POU3F3: variants seen among roughly 807,000 people sequenced by gnomAD.
POU3F3 encodes POU class 3 homeobox 3, also known as POU domain, class 3, transcription factor 3.
A neutral mutation model predicts 8.6 loss-of-function variants in POU3F3; 1 was observed. That is an observed-to-expected ratio of 0.12 (90% CI 0.04 to 0.55). POU3F3 has a LOEUF of 0.55. Among genes scored for constraint, POU3F3 ranks in the 20% least tolerant of loss-of-function variants. POU3F3 has a pLI of 0.91. For synonymous variants in POU3F3, 418 were observed against 327.4 expected (o/e 1.28, Z -2.99); for missense variants, 577 against 690.7 (o/e 0.84, Z 1.84).
In POU3F3 at chr2:104,856,425, C is replaced by T; in HGVS notation, c.915C>T (p.Leu305=). 6.2e-7 allele frequency: 1 copy of T among 1,607,280 alleles called. No individual in the cohort carries two copies. The highest frequency in any genetic ancestry group is 1.1e-5 in the South Asian group (1 of 90,694). Reference sequence around the variant, plus strand: ...GCGGCGGCGGCGCGGGGCCTGGACTCAACAGCCACGACCCGCACTCGGACG... The same window carrying T: ...GCGGCGGCGGCGCGGGGCCTGGACTTAACAGCCACGACCCGCACTCGGACG... The part of the protein sequence containing the change: ...GGGGGGAGPG[L]NSHDPHSDED... Residue 305 remains leucine, a synonymous_variant, in exon 1 of 1, where the codon CTC becomes CTT. Coordinates refer to ENST00000361360, the MANE Select transcript of POU3F3 (RefSeq NM_006236.3).
chr2:104,872,428 T>C, the POU3F3 span: 1 of 431,892 alleles, frequency 2.3e-6, no homozygotes, highest in Non-Finnish European at 4.7e-6. The surrounding 1 kb of genome is among the most constrained non-coding windows in gnomAD (Gnocchi z 4.6). Context: ...GAAATCCTGC[T>C]TCCAACTGCG....
the POU3F3 span, among the ~76,000 whole-genome samples, chr2:104,879,415 G>A: frequency 6.6e-6 from 1 of 152,128 alleles, no homozygotes; most frequent in Non-Finnish European, 1.5e-5. Flanking sequence ...AGGGTACATG[G>A]AGAGGGAAGA....
chr2:104,855,726 G>T lies in POU3F3; in HGVS notation c.216G>T (p.Met72Ile). The T allele has an allele frequency of 7.8e-7, 1 of 1,279,296 alleles. No homozygotes were observed. Among genetic ancestry groups the T allele is most frequent in the Non-Finnish European group, 1.0e-6 (1 of 988,606 alleles). The allele number at this position is 1,279,296 out of a possible 1,614,324, so 79.2% of individuals were successfully genotyped here. A position where few individuals can be genotyped will look rare whatever the true frequency, so the allele number is the denominator to read the frequency against. The change falls in exon 1 of 1, where the codon ATG becomes ATT. Residue 72 changes from methionine (M) to isoleucine (I), a missense_variant. Physicochemically the swap from Met to Ile is conservative, Grantham distance 10 (BLOSUM62 1). Transcript: ENST00000361360. ...GGGGGGACCCGTCCTCTGTCAAGAT[G>T]GTCCAGAGCGACTTCATGCAGGGGG... is the stretch of plus-strand genomic sequence containing the variant. ...AYRGDPSSVK[M>I]VQSDFMQGAM...
chr2:104,856,860 G>A lies in POU3F3; in HGVS notation c.1350G>A (p.Val450=). Reference sequence around the variant, plus strand: ...GCCTGCAGCTCGAGAAGGAGGTGGTGCGGGTCTGGTTCTGCAATCGGCGCC... The same window carrying A: ...GCCTGCAGCTCGAGAAGGAGGTGGTACGGGTCTGGTTCTGCAATCGGCGCC... ...ADSLQLEKEV[V]RVWFCNRRQK... Residue 450 remains valine (V), a synonymous_variant, in exon 1 of 1, where the codon GTG becomes GTA. Coordinates refer to ENST00000361360, the MANE Select transcript of POU3F3 (RefSeq NM_006236.3). 6.2e-7 allele frequency: 1 copy of A among 1,614,106 alleles called. No homozygotes were observed. Among genetic ancestry groups the A allele is most frequent in the Non-Finnish European group, 8.5e-7 (1 of 1,180,004 alleles).
the POU3F3 span, among the ~76,000 whole-genome samples, chr2:104,904,149 T>C: frequency 6.6e-6 from 1 of 152,164 alleles, no homozygotes; most frequent in South Asian, 2.1e-4. Context: ...TTGCCAGCAA[T>C]TGGATTTGCA....
chr2:104,895,744 T>C, the POU3F3 span, among the ~76,000 whole-genome samples: 1 of 152,198 alleles, frequency 6.6e-6, no homozygotes, highest in Admixed American at 6.5e-5. Context: ...GAGGTAATCA[T>C]TGGGTCTATT....
At chr2:104,896,330 C>T in the POU3F3 span, among the ~76,000 whole-genome samples, 5 of 152,178 alleles carry the variant, frequency 3.3e-5, no homozygotes, top group South Asian at 2.1e-4. Flanking sequence ...CCCCAGGCCA[C>T]GTGGTGCAAT....
chr2:104,886,510 G>C, the POU3F3 span, among the ~76,000 whole-genome samples: 1 of 152,080 alleles, frequency 6.6e-6, no homozygotes, highest in South Asian at 2.1e-4. Context: ...TCACATAACT[G>C]TTACAGGAAA....
Position 104,855,779 on chromosome 2 carries a change from T to C in POU3F3, c.269T>C (p.Met90Thr). 1 of 1,313,612 alleles carries C rather than the reference T, an allele frequency of 7.6e-7. No homozygotes were observed. The highest frequency in any genetic ancestry group is 1.3e-5 in the South Asian group (1 of 75,224). 81.4% of individuals were successfully genotyped at this position (1,313,612 alleles called of 1,614,324 possible). The change falls in exon 1 of 1, where the codon ATG (methionine) becomes ACG (threonine). Residue 90 changes from methionine to threonine, a missense_variant. Coordinates refer to ENST00000361360, the MANE Select transcript of POU3F3 (RefSeq NM_006236.3). ...GAMAASNGGH[M>T]LSHAHQWVTA... ...ATGGCCGCCAGCAACGGCGGCCATATGCTGAGCCACGCGCACCAGTGGGTC... is the reference window on the plus strand; with the variant it reads ...ATGGCCGCCAGCAACGGCGGCCATACGCTGAGCCACGCGCACCAGTGGGTC...
the POU3F3 span, among the ~76,000 whole-genome samples, chr2:104,927,535 G>T: frequency 1.3e-5 from 2 of 152,022 alleles, no homozygotes; most frequent in African/African-American, 4.8e-5. Context: ...CATTAGAATT[G>T]CTTGAGCCAA....
At position 104,855,432 on chromosome 2, in the gene POU3F3, GGCGGCGGCGGCGGCCGCGGCTGCT is replaced by G. The variant is rs1676533246; in HGVS notation, c.-76_-53del. 1 of 724,622 alleles carries G rather than the reference GGCGGCGGCGGCGGCCGCGGCTGCT, an allele frequency of 1.4e-6. No individual in the cohort carries two copies. Among genetic ancestry groups the G allele is most frequent in the African/African-American group, 2.0e-5 (1 of 49,572 alleles). The allele number at this position is 724,622 out of a possible 1,614,324, so 44.9% of individuals were successfully genotyped here. On this transcript the variant is annotated 5_prime_UTR_variant, in exon 1 of 1. Transcript: ENST00000361360. ...GGGAGGCGGGGGGCGCGGCGGCGGC[GGCGGCGGCGGCGGCCGCGGCTGCT>G]GCTGCGGCGGCGGCGGCGGTGGTGG...
chr2:104,916,312 T>A, the POU3F3 span, among the ~76,000 whole-genome samples: 8 of 152,216 alleles, frequency 5.3e-5, no homozygotes, highest in African/African-American at 1.4e-4. Context: ...GTTGCTTAGA[T>A]GTAGTGATGA....
the POU3F3 span, among the ~76,000 whole-genome samples, chr2:104,909,286 G>A: frequency 6.6e-6 from 1 of 152,162 alleles, no homozygotes; most frequent in African/African-American, 2.4e-5. Context: ...TGCCTGATGA[G>A]GGAGAAAACC....
rs1440030679 is a variant in POU3F3 at position 104,856,151 on chromosome 2, AGCC to A, written c.650_652del (p.Pro217del). 3 of 1,240,316 alleles carry A rather than the reference AGCC, an allele frequency of 2.4e-6. No homozygotes were observed. Among genetic ancestry groups the A allele is most frequent in the Admixed American group, 3.9e-5 (1 of 25,820 alleles). 76.8% of individuals were successfully genotyped at this position (1,240,316 alleles called of 1,614,324 possible). ...CTCCCGTCCATGGCCGGGGGCCAGC[AGCC>A]GCCGCCGCAGAGTCTGCTCTACTCG... On this transcript the variant is annotated inframe_deletion, in exon 1 of 1. Transcript: ENST00000361360.
chr2:104,877,556 G>A, the POU3F3 span, among the ~76,000 whole-genome samples: 2 of 152,200 alleles, frequency 1.3e-5, no homozygotes, highest in African/African-American at 4.8e-5. Flanking sequence ...GGACCTGGCT[G>A]AGACAGAGCC....
the POU3F3 span, among the ~76,000 whole-genome samples, chr2:104,912,901 A>G: frequency 2.6e-5 from 4 of 152,338 alleles, no homozygotes; most frequent in South Asian, 2.1e-4. Context: ...GGTTTGCTTC[A>G]GACAGAAGAT....
chr2:104,886,673 T>G, the POU3F3 span, among the ~76,000 whole-genome samples: 1 of 152,124 alleles, frequency 6.6e-6, no homozygotes, highest in African/African-American at 2.4e-5. Context: ...TTTTAGAGGC[T>G]GAGGTAGGTG....
At chr2:104,860,692 T>C (rs988569792), downstream of POU3F3, among the ~76,000 whole-genome samples, 2 of 151,048 alleles carry the variant, frequency 1.3e-5, no homozygotes, top group African/African-American at 2.4e-5. Flanking sequence ...CCCTGGCAAG[T>C]CTGTGCGATA....
chr2:104,864,389 C>T, the POU3F3 span, among the ~76,000 whole-genome samples: 2 of 152,198 alleles, frequency 1.3e-5, no homozygotes, highest in African/African-American at 4.8e-5. Flanking sequence ...TTAGAGGTGC[C>T]GCGTCCCCAA....
Sources: allele counts gnomAD v4.1 joint callset (sites outside exome capture counted in the v4.1 genomes callset), GRCh38; gene constraint gnomAD v4.1.1; non-coding constraint Gnocchi (gnomAD v3.1); transcripts MANE v1.5; gene names NCBI Gene and HGNC (gene_info 2026-07-23, HGNC 2026-07-21).